CLVS1: variants seen among roughly 807,000 people sequenced by gnomAD.
CLVS1 encodes the protein clavesin-1.
A neutral mutation model predicts 33.1 loss-of-function variants in CLVS1; 10 were observed. The observed-to-expected ratio is 0.30, with a 90% CI of 0.19 to 0.51. The LOEUF (loss-of-function observed/expected upper bound fraction) is 0.51. Ranked by LOEUF, CLVS1 falls within the 20% of genes least tolerant of loss-of-function variation. The pLI is 0.97. For missense variants in CLVS1, 343 were observed against 433.4 expected (o/e 0.79, Z 1.85); for synonymous variants, 163 against 166.1 (o/e 0.98, Z 0.14).
chr8:61,244,510 G>A (rs188022183), intron 2 of CLVS1, among the ~76,000 whole-genome samples: 33 of 152,206 alleles, frequency 2.2e-4, no homozygotes, highest in African/African-American at 7.9e-4. Flanking sequence ...ATGTTGTTCA[G>A]TTCTTCTGTA....
chr8:61,477,597 T>C (rs1394734749), intron 5 of CLVS1, among the ~76,000 whole-genome samples: 3 of 152,234 alleles, frequency 2.0e-5, no homozygotes, highest in African/African-American at 7.2e-5. Context: ...GAGGTGTTTA[T>C]AGTATTCTCT....
chr8:61,431,843 G>A (rs1816126575), intron 3 of CLVS1, among the ~76,000 whole-genome samples: 1 of 152,152 alleles, frequency 6.6e-6, no homozygotes, highest in Admixed American at 6.5e-5. Flanking sequence ...AAATTTCTGT[G>A]TTTTCCCACA....
chr8:61,369,915 A>G (rs1051867333), intron 2 of CLVS1, among the ~76,000 whole-genome samples: 3 of 152,234 alleles, frequency 2.0e-5, no homozygotes, highest in Admixed American at 6.5e-5. Flanking sequence ...AGACATCATT[A>G]TCAGAGGAAA....
chr8:61,142,343 C>G (rs139440824), intron 2 of CLVS1, among the ~76,000 whole-genome samples: 1 of 152,166 alleles, frequency 6.6e-6, no homozygotes, highest in East Asian at 1.9e-4. Flanking sequence ...TTTCCTGAGG[C>G]CTCCCCAGCC....
intron 2 of CLVS1, among the ~76,000 whole-genome samples, chr8:61,255,786 A>C (rs2349941): frequency 0.49 from 73,784 of 151,638 alleles, 19,095 homozygotes; most frequent in East Asian, 0.96. Flanking sequence ...TGAAACTTGA[A>C]CCTACTATAA....
intron 3 of CLVS1, among the ~76,000 whole-genome samples, chr8:61,415,215 G>A (rs1015004402): frequency 6.6e-6 from 1 of 152,126 alleles, no homozygotes; most frequent in African/African-American, 2.4e-5. Context: ...CCCACTTTTT[G>A]TGTTATTCAT....
intron 1 of CLVS1, among the ~76,000 whole-genome samples, chr8:61,072,411 G>A (rs573606517): frequency 4.9e-4 from 75 of 152,222 alleles, no homozygotes; most frequent in African/African-American, 1.7e-3. Flanking sequence ...ATTTCTCTTG[G>A]TTAAAGATGT....
intron 1 of CLVS1, among the ~76,000 whole-genome samples, chr8:61,086,335 T>G (rs1805127387): frequency 2.0e-5 from 3 of 152,118 alleles, no homozygotes; most frequent in African/African-American, 7.2e-5. Context: ...TAAAAGAAAC[T>G]TCCTCCTTAG....
At position 61,458,494 on chromosome 8, in the gene CLVS1, A is replaced by C. The variant is rs773137123; in HGVS notation, c.929A>C (p.His310Pro). Residue 310 changes from histidine (H) to proline (P), a missense_variant, in exon 5 of 6, where the codon CAT (histidine) becomes CCT (proline). By Grantham distance (77) the His-to-Pro change is moderately conservative (BLOSUM62 -2). This residue lies in a region of CLVS1 where 86 missense variants were observed against 95.0 expected (regional missense o/e 0.91). Transcript: ENST00000325897. ...TCCTATAATGCAATGCACGTGAAGC[A>C]TACGTCCTCGAATCTGGAGAGAGAA... ...HTSYNAMHVKHTSSNLERECS... is the reference protein window; with the variant it reads ...HTSYNAMHVKPTSSNLERECS... 1 of 1,613,868 alleles carries C rather than the reference A, an allele frequency of 6.2e-7. No individual in the cohort carries two copies. The highest frequency in any genetic ancestry group is 1.1e-5 in the South Asian group (1 of 91,012).
chr8:61,451,195 A>G (rs1260399934), intron 3 of CLVS1, among the ~76,000 whole-genome samples: 2 of 152,204 alleles, frequency 1.3e-5, no homozygotes, highest in Non-Finnish European at 2.9e-5. Flanking sequence ...ATTTGTTACT[A>G]TAACATTACA....
chr8:61,005,105 G>A, the CLVS1 span, among the ~76,000 whole-genome samples: 1 of 152,164 alleles, frequency 6.6e-6, no homozygotes, highest in Non-Finnish European at 1.5e-5. Context: ...AAAACTGCCC[G>A]ATAGGGGCAT....
chr8:61,423,030 G>A lies in CLVS1; in HGVS notation c.631-31111G>A, dbSNP rs558268985. On this transcript the variant is annotated intron_variant, in intron 3 of 5. Transcript: ENST00000325897. Reference sequence around the variant, plus strand: ...TGAATGGACTGCTATTAGACTTCAGGGTCCACTGATTGTTCTTAATGGGAA... The same window carrying A: ...TGAATGGACTGCTATTAGACTTCAGAGTCCACTGATTGTTCTTAATGGGAA... 2.6e-5 allele frequency among the ~76,000 whole-genome samples: 4 copies of A among 152,156 alleles called. No individual in the cohort carries two copies. In the South Asian group the frequency reaches 8.3e-4, roughly 32 times the overall value.
At chr8:61,155,927 T>A (rs1778586362) in intron 2 of CLVS1, among the ~76,000 whole-genome samples, 1 of 152,200 alleles carries the variant, frequency 6.6e-6, no homozygotes, top group Non-Finnish European at 1.5e-5. Flanking sequence ...TAGCCTGTTG[T>A]GGGCCTGGCC....
intron 2 of CLVS1, among the ~76,000 whole-genome samples, chr8:61,339,970 AAG>A (rs1228132703): frequency 7.3e-5 from 11 of 151,708 alleles, no homozygotes; most frequent in Middle Eastern, 3.2e-3. Context: ...GAGAGAAAGA[AAG>A]AGAAAGAAAG....
intron 2 of CLVS1, among the ~76,000 whole-genome samples, chr8:61,374,989 G>T (rs1813585044): frequency 6.6e-6 from 1 of 152,146 alleles, no homozygotes; most frequent in South Asian, 2.1e-4. Context: ...TCCTGAAAAA[G>T]TCTTGCTCCC....
At chr8:61,031,398 A>G in the CLVS1 span, among the ~76,000 whole-genome samples, 10,341 of 152,214 alleles carry the variant, frequency 0.068, 416 homozygotes, top group Admixed American at 0.11. Flanking sequence ...TCCCCACCCA[A>G]GAGCTAACCT....
chr8:61,374,569 T>A (rs1241898842), intron 2 of CLVS1, among the ~76,000 whole-genome samples: 1 of 152,230 alleles, frequency 6.6e-6, no homozygotes, highest in Non-Finnish European at 1.5e-5. Context: ...GGTCTTTGGA[T>A]AATTGTTTTG....
intron 3 of CLVS1, among the ~76,000 whole-genome samples, chr8:61,438,590 T>C (rs561747967): frequency 1.3e-5 from 2 of 152,210 alleles, no homozygotes; most frequent in Non-Finnish European, 2.9e-5. Flanking sequence ...TCTAAATCTT[T>C]GAGAAATCGC....
intron 2 of CLVS1, among the ~76,000 whole-genome samples, chr8:61,216,456 C>T (rs1808089032): frequency 6.6e-6 from 1 of 152,290 alleles, no homozygotes; most frequent in African/African-American, 2.4e-5. Flanking sequence ...TTTCAGCTTC[C>T]TCAGAAAGAT....
Sources: gnomAD v4.1 joint callset for allele counts (sites outside exome capture counted in the v4.1 genomes callset) on GRCh38, gnomAD v4.1.1 for gene constraint, gnomAD v4.1.1 regional missense constraint, MANE v1.5 for transcripts, NCBI Gene and HGNC (gene_info 2026-07-23, HGNC 2026-07-21) for gene names.